UNC5C: variants seen among roughly 807,000 people sequenced by gnomAD.
UNC5C encodes unc-5 netrin receptor C.
A neutral mutation model predicts 99.8 loss-of-function variants in UNC5C; 47 were observed. The observed-to-expected ratio is 0.47, with a 90% confidence interval of 0.37 to 0.60. The LOEUF is 0.60. Among genes scored for constraint, UNC5C ranks in the 20% least tolerant of loss-of-function variants. The pLI is 0.00. For missense variants in UNC5C, 1,062 were observed against 1,165.9 expected, an observed-to-expected ratio of 0.91 and a Z score of 1.30; for synonymous variants, 487 against 452.2, an observed-to-expected ratio of 1.08 and a Z score of -0.98.
chr4:95,256,006 A>G (rs1739964944), intron 4 of UNC5C, among the ~76,000 whole-genome samples: 1 of 151,954 alleles, frequency 6.6e-6, no homozygotes, highest in African/African-American at 2.4e-5. Flanking sequence ...TACTTGACTC[A>G]CAGCAGCACG....
chr4:95,209,006 A>G (rs1460384872), intron 10 of UNC5C, among the ~76,000 whole-genome samples: 1 of 152,226 alleles, frequency 6.6e-6, no homozygotes, highest in East Asian at 1.9e-4. Context: ...GGATGTTTGT[A>G]TAGCAATTAC....
intron 1 of UNC5C, among the ~76,000 whole-genome samples, chr4:95,349,584 A>G (rs1743911355): frequency 6.6e-6 from 1 of 151,548 alleles, no homozygotes; most frequent in South Asian, 2.1e-4. Context: ...TTTTATTCAA[A>G]TCAAGAGATA....
At chr4:95,215,559 A>G (rs984243021) in intron 10 of UNC5C, among the ~76,000 whole-genome samples, 8 of 151,992 alleles carry the variant, frequency 5.3e-5, no homozygotes, top group Non-Finnish European at 8.8e-5. Flanking sequence ...TTTTAATTCA[A>G]TCTAGTTTTA....
intron 1 of UNC5C, among the ~76,000 whole-genome samples, chr4:95,346,068 GTT>G (rs752089027): frequency 4.4e-5 from 3 of 67,444 alleles, no homozygotes; most frequent in Admixed American, 1.9e-4. Flanking sequence ...ACAAAAGTTG[GTT>G]TCATTTTCAA....
At chr4:95,434,581 G>A (rs1746723448) in intron 1 of UNC5C, among the ~76,000 whole-genome samples, 1 of 151,960 alleles carries the variant, frequency 6.6e-6, no homozygotes, top group South Asian at 2.1e-4. Context: ...TCTCTCATGT[G>A]TGAACTCCCT....
At chr4:95,319,222 C>A (rs1742589066) in intron 2 of UNC5C, among the ~76,000 whole-genome samples, 2 of 152,168 alleles carry the variant, frequency 1.3e-5, no homozygotes, top group African/African-American at 4.8e-5. Flanking sequence ...AAAGCTATGG[C>A]CTGTTCCCAA....
At chr4:95,344,540 C>A (rs1342527894) in intron 1 of UNC5C, among the ~76,000 whole-genome samples, 1 of 151,928 alleles carries the variant, frequency 6.6e-6, no homozygotes, top group Non-Finnish European at 1.5e-5. Flanking sequence ...ACGAAAAACA[C>A]ACAATATTAT....
chr4:95,325,674 T>C (rs1332113556), intron 2 of UNC5C, among the ~76,000 whole-genome samples: 1 of 152,182 alleles, frequency 6.6e-6, no homozygotes, highest in Non-Finnish European at 1.5e-5. Flanking sequence ...TGCCCAATTA[T>C]AGCTTCTCTT....
At chr4:95,334,088 C>T (rs138331556) in intron 2 of UNC5C, among the ~76,000 whole-genome samples, 1 of 151,980 alleles carries the variant, frequency 6.6e-6, no homozygotes, top group East Asian at 1.9e-4. Context: ...TGTAGAGTTG[C>T]CACCTGATTT....
chr4:95,252,173 C>A (rs772329343), intron 4 of UNC5C, among the ~76,000 whole-genome samples: 2 of 152,126 alleles, frequency 1.3e-5, no homozygotes, highest in African/African-American at 4.8e-5. Context: ...TGTGGAAATA[C>A]GATCCTGCTG....
chr4:95,216,687 A>G (rs1169403512), intron 9 of UNC5C, among the ~76,000 whole-genome samples: 5 of 152,206 alleles, frequency 3.3e-5, no homozygotes, highest in African/African-American at 1.2e-4. Flanking sequence ...AAGACCTTTT[A>G]TTATACATAA....
At chr4:95,192,090 T>TC (rs1737138566) in intron 12 of UNC5C, among the ~76,000 whole-genome samples, 1 of 113,778 alleles carries the variant, frequency 8.8e-6, no homozygotes, top group Non-Finnish European at 1.8e-5. Flanking sequence ...TTTGCTCACC[T>TC]TCCTCCCCTG....
chr4:95,444,013 T>G (rs1017938609), intron 1 of UNC5C, among the ~76,000 whole-genome samples: 4 of 152,218 alleles, frequency 2.6e-5, no homozygotes, highest in African/African-American at 9.6e-5. Flanking sequence ...TCCTTAGTCT[T>G]GTACCATGGA....
chr4:95,512,212 C>T (rs1039263847), intron 1 of UNC5C, among the ~76,000 whole-genome samples: 4 of 152,028 alleles, frequency 2.6e-5, no homozygotes, highest in African/African-American at 9.7e-5. Flanking sequence ...TGAGGGAACA[C>T]ACGAAAATTG....
chr4:95,446,005 G>C (rs959656040), intron 1 of UNC5C, among the ~76,000 whole-genome samples: 1 of 149,678 alleles, frequency 6.7e-6, no homozygotes, highest in African/African-American at 2.5e-5. Context: ...AAAACAACGT[G>C]GGGGGGTGGA....
intron 2 of UNC5C, among the ~76,000 whole-genome samples, chr4:95,333,929 C>T (rs768318206): frequency 6.6e-6 from 1 of 151,978 alleles, no homozygotes; most frequent in Non-Finnish European, 1.5e-5. Context: ...ATTTTGAAGA[C>T]ATCTGGTGGA....
intron 1 of UNC5C, among the ~76,000 whole-genome samples, chr4:95,524,630 C>T (rs1722452737): frequency 6.6e-6 from 1 of 152,174 alleles, no homozygotes; most frequent in Non-Finnish European, 1.5e-5. Flanking sequence ...CTCCAGATCA[C>T]CACACTTTCC....
chr4:95,177,874 C>CT (rs34351357), intron 14 of UNC5C, among the ~76,000 whole-genome samples: 13,895 of 146,664 alleles, frequency 0.095, 1,521 homozygotes, highest in African/African-American at 0.27. Context: ...GCTAATTTGC[C>CT]TTTTTTTTTT....
intron 1 of UNC5C, among the ~76,000 whole-genome samples, chr4:95,394,600 T>G (rs965607859): frequency 2.0e-5 from 3 of 151,760 alleles, no homozygotes; most frequent in African/African-American, 7.3e-5. Flanking sequence ...GCAAGAAAGG[T>G]GACAAAATTA....
Sources: allele counts gnomAD v4.1 joint callset (sites outside exome capture counted in the v4.1 genomes callset), GRCh38; gene constraint gnomAD v4.1.1; transcripts MANE v1.5; gene names NCBI Gene and HGNC (gene_info 2026-07-23, HGNC 2026-07-21).